The following RAB8B variants were observed in gnomAD, a reference collection of about 807,000 sequenced individuals.
The protein encoded by RAB8B is ras-related protein Rab-8B.
Under a neutral mutation model 32.0 loss-of-function variants are expected in RAB8B, and 11 were observed. That is an observed-to-expected ratio of 0.34 (90% CI 0.22 to 0.57). The LOEUF is 0.57. RAB8B is among the 20% of genes least tolerant of loss of function. The pLI is 0.86. For missense variants in RAB8B, 190 were observed against 258.5 expected, an observed-to-expected ratio of 0.73 and a Z score of 1.82; for synonymous variants, 103 against 89.6, an observed-to-expected ratio of 1.15 and a Z score of -0.85.
At chr15:63,249,538 A>T in intron 2 of RAB8B, 107 bp from the exon 3 acceptor site, 1 of 997,982 alleles carries the variant, frequency 1.0e-6, no homozygotes, top group Non-Finnish European at 1.5e-6. Flanking sequence ...TTCCTCTGTG[A>T]CCACTGCACC....
rs2038251790 is a variant in RAB8B, at chr15:63,266,776, G to A, written c.*3157G>A. 6.6e-6 allele frequency: 1 copy of A among 152,552 alleles called. No homozygotes were observed. Among genetic ancestry groups the A allele is most frequent in the Admixed American group, 6.5e-5 (1 of 15,280 alleles). The allele number at this position is 152,552 out of a possible 1,614,324, so 9.4% of individuals were successfully genotyped here. On this transcript the variant is annotated 3_prime_UTR_variant, in exon 8 of 8. Transcript: ENST00000321437. ...AGGTGCGTTTTTGCAGAAGTTTCTAGTAAGAGATTATAACTCCATTTTACA... is the reference window on the plus strand; with the variant it reads ...AGGTGCGTTTTTGCAGAAGTTTCTAATAAGAGATTATAACTCCATTTTACA...
At chr15:63,255,746 T>C (rs2038154123) in intron 4 of RAB8B, among the ~76,000 whole-genome samples, 162 bp downstream of exon 4, 1 of 152,228 alleles carries the variant, frequency 6.6e-6, no homozygotes, top group South Asian at 2.1e-4. Context: ...GCTGCCAGTC[T>C]GACTACTGGG....
intron 1 of RAB8B, among the ~76,000 whole-genome samples, chr15:63,233,050 G>A (rs72747098): frequency 0.56 from 80,690 of 144,378 alleles, 23,767 homozygotes; most frequent in East Asian, 0.8. Flanking sequence ...AATCTAAGTA[G>A]CATTCTTTTT....
At position 63,267,714 on chromosome 15, in the gene RAB8B, AG is replaced by A. The variant is rs1482141247; in HGVS notation, c.*4097del. 3 of 152,228 alleles carry A rather than the reference AG, an allele frequency of 2.0e-5. No homozygotes were observed. The highest frequency in any genetic ancestry group is 2.1e-4 in the South Asian group (1 of 4,830). 9.4% of individuals were successfully genotyped at this position (152,228 alleles called of 1,614,324 possible). On this transcript the variant is annotated 3_prime_UTR_variant, in exon 8 of 8. Transcript: ENST00000321437. The stretch of plus-strand genomic sequence containing the variant: ...GTTTTTTTTAAATGGATTTTATTCC[AG>A]GTGAACTTTTTTTTTATAATAATGT...
intron 1 of RAB8B, among the ~76,000 whole-genome samples, chr15:63,222,572 C>G (rs557656645): frequency 2.7e-4 from 41 of 152,372 alleles, no homozygotes; most frequent in South Asian, 1.7e-3. Context: ...GAGTCTCACT[C>G]TGTTGCTCAG....
At chr15:63,215,486 CT>C (rs2141118476) in intron 1 of RAB8B, among the ~76,000 whole-genome samples, 1 of 152,256 alleles carries the variant, frequency 6.6e-6, no homozygotes, top group South Asian at 2.1e-4. Context: ...TACTGTATTT[CT>C]TTTTAGTCTT....
chr15:63,200,748 C>T (rs1454299465), intron 1 of RAB8B, among the ~76,000 whole-genome samples: 1 of 152,188 alleles, frequency 6.6e-6, no homozygotes, highest in Non-Finnish European at 1.5e-5. Context: ...GATGGTGGGC[C>T]TGAGGCCTAG....
chr15:63,255,461 T>C (rs774103161), intron 3 of RAB8B, 46 bp from the exon 4 acceptor site: 10 of 1,325,742 alleles, frequency 7.5e-6, no homozygotes, highest in Non-Finnish European at 1.0e-5. Context: ...ATACTATAAC[T>C]TTAAATATAT....
intron 1 of RAB8B, among the ~76,000 whole-genome samples, chr15:63,210,005 G>C (rs2037734649): frequency 6.6e-6 from 1 of 152,018 alleles, no homozygotes; most frequent in Non-Finnish European, 1.5e-5. Context: ...GCAGTGTTTG[G>C]TTTTCTGTTC....
chr15:63,226,938 A>G (rs2037893575), intron 1 of RAB8B, among the ~76,000 whole-genome samples: 1 of 152,006 alleles, frequency 6.6e-6, no homozygotes, highest in African/African-American at 2.4e-5. Flanking sequence ...TCCCCTTTTT[A>G]GGCCATATAG....
chr15:63,252,985 T>C lies in RAB8B; in HGVS notation c.247-2522T>C, dbSNP rs556092202. Reference sequence around the variant, plus strand: ...CTGGTCTCAAACTCCTGATCTCAGGTGATCCACCTGCCTCGGCCTCCCAAA... The same window carrying C: ...CTGGTCTCAAACTCCTGATCTCAGGCGATCCACCTGCCTCGGCCTCCCAAA... On this transcript the variant is annotated intron_variant, in intron 3 of 7. Coordinates refer to ENST00000321437, the MANE Select transcript of RAB8B (RefSeq NM_016530.3). Among the ~76,000 whole-genome samples, 283 of 152,310 alleles carry C rather than the reference T, an allele frequency of 1.9e-3. 2 individuals carry two copies. The highest frequency in any genetic ancestry group is 1.5e-3 in the Non-Finnish European group (101 of 68,034).
intron 1 of RAB8B, among the ~76,000 whole-genome samples, chr15:63,240,225 T>C (rs1176728817): frequency 6.6e-6 from 1 of 152,102 alleles, no homozygotes; most frequent in Non-Finnish European, 1.5e-5. Context: ...AGAAGTGACA[T>C]GTAGGGGAAT....
intron 3 of RAB8B, among the ~76,000 whole-genome samples, chr15:63,252,731 A>G (rs562780937): frequency 6.6e-6 from 1 of 151,410 alleles, no homozygotes; most frequent in African/African-American, 2.4e-5. Context: ...TTTAAAATGT[A>G]TAGTTCTTTA....
intron 1 of RAB8B, among the ~76,000 whole-genome samples, chr15:63,213,331 G>A (rs1367113828): frequency 1.3e-5 from 2 of 150,200 alleles, no homozygotes; most frequent in African/African-American, 5.1e-5. Context: ...CAGAGGATAG[G>A]CTAGGGGTGC....
intron 1 of RAB8B, among the ~76,000 whole-genome samples, chr15:63,191,583 T>C (rs2037556367): frequency 1.3e-5 from 2 of 152,214 alleles, no homozygotes; most frequent in Non-Finnish European, 1.5e-5. Context: ...ATTTTTGACA[T>C]TTGTATTAAT....
At chr15:63,204,182 GTA>G (rs1432624106) in intron 1 of RAB8B, among the ~76,000 whole-genome samples, 1 of 152,110 alleles carries the variant, frequency 6.6e-6, no homozygotes, top group Non-Finnish European at 1.5e-5. Context: ...TTAAAGGAAT[GTA>G]TGTCTGTTTT....
intron 1 of RAB8B, among the ~76,000 whole-genome samples, chr15:63,209,291 T>C (rs1415674195): frequency 6.6e-6 from 1 of 152,066 alleles, no homozygotes; most frequent in African/African-American, 2.4e-5. Flanking sequence ...AGGATGATAT[T>C]ATGAAATACT....
At chr15:63,209,051 G>A (rs1050586668) in intron 1 of RAB8B, among the ~76,000 whole-genome samples, 18 of 151,620 alleles carry the variant, frequency 1.2e-4, no homozygotes, top group African/African-American at 3.6e-4. Flanking sequence ...CACCACACAC[G>A]GCTAATTTTT....
At chr15:63,246,231 G>A (rs772840987) in intron 2 of RAB8B, among the ~76,000 whole-genome samples, 2 of 152,164 alleles carry the variant, frequency 1.3e-5, no homozygotes, top group Non-Finnish European at 2.9e-5. Context: ...GACCCGTCAC[G>A]TGAGCTCAGT....
Sources: gnomAD v4.1 joint callset for allele counts (sites outside exome capture counted in the v4.1 genomes callset) on GRCh38, gnomAD v4.1.1 for gene constraint, MANE v1.5 for transcripts, NCBI Gene and HGNC (gene_info 2026-07-23, HGNC 2026-07-21) for gene names.